Variants in MAP3K13 observed in about 807,000 individuals in gnomAD.
MAP3K13 encodes the protein leucine zipper-bearing kinase.
Under a neutral mutation model 104.0 loss-of-function variants are expected in MAP3K13, and 52 were observed. That is an observed-to-expected ratio of 0.50 (90% CI 0.40 to 0.63). MAP3K13 has a LOEUF of 0.63. Ranked by LOEUF, MAP3K13 falls within the 20% of genes least tolerant of loss-of-function variation. The probability of loss-of-function intolerance (pLI) is 0.00; values close to 1 mark genes in which losing one functional copy is unlikely to be tolerated. For missense variants in MAP3K13, 914 were observed against 1,218.5 expected (o/e 0.75, Z 3.72); for synonymous variants, 394 against 442.2 (o/e 0.89, Z 1.37).
intron 1 of MAP3K13, among the ~76,000 whole-genome samples, chr3:185,375,116 A>G (rs1724359742): frequency 6.6e-6 from 1 of 152,148 alleles, no homozygotes; most frequent in Admixed American, 6.5e-5. Flanking sequence ...CTGGTCCATT[A>G]TTGGACTGTA....
chr3:185,425,115 T>G (rs762784951), intron 1 of MAP3K13, among the ~76,000 whole-genome samples: 44 of 152,252 alleles, frequency 2.9e-4, no homozygotes, highest in Non-Finnish European at 6.0e-4. Context: ...GCTTTATGAT[T>G]TGGAAACTTC....
At chr3:185,442,013 C>G (rs1715350935) in intron 3 of MAP3K13, among the ~76,000 whole-genome samples, 1 of 147,530 alleles carries the variant, frequency 6.8e-6, no homozygotes, top group Non-Finnish European at 1.5e-5. Flanking sequence ...TGCACTCGAA[C>G]CTGGGTGACA....
At chr3:185,393,520 G>A (rs1012002823) in intron 1 of MAP3K13, among the ~76,000 whole-genome samples, 9 of 150,638 alleles carry the variant, frequency 6.0e-5, no homozygotes, top group Non-Finnish European at 1.2e-4. Context: ...GTGCAGTGGC[G>A]TGATCTCAGC....
intron 1 of MAP3K13, among the ~76,000 whole-genome samples, chr3:185,368,306 C>T (rs1723987650): frequency 6.6e-6 from 1 of 152,184 alleles, no homozygotes; most frequent in Admixed American, 6.5e-5. Context: ...TTTTCAAACC[C>T]AGCTTTAATT....
At chr3:185,313,735 GA>G (rs5855056) in intron 2 of MAP3K13, among the ~76,000 whole-genome samples, 4 of 146,776 alleles carry the variant, frequency 2.7e-5, no homozygotes, top group East Asian at 2.0e-4. Context: ...AAGTAGTGGT[GA>G]AAAAAAAAAA....
At chr3:185,361,139 C>A (rs1217696479), upstream of MAP3K13, among the ~76,000 whole-genome samples, 1 of 147,382 alleles carries the variant, frequency 6.8e-6, no homozygotes, top group African/African-American at 2.5e-5. Flanking sequence ...CACATATATA[C>A]ATATACATAT....
intron 3 of MAP3K13, among the ~76,000 whole-genome samples, chr3:185,441,595 C>A (rs1336427600): frequency 6.6e-6 from 1 of 152,086 alleles, no homozygotes; most frequent in African/African-American, 2.4e-5. Context: ...CAAATAAAGG[C>A]TAATAGATAT....
chr3:185,299,399 C>CA (rs1286905945), intron 2 of MAP3K13, among the ~76,000 whole-genome samples: 1 of 152,238 alleles, frequency 6.6e-6, no homozygotes, highest in Admixed American at 6.5e-5. Context: ...AGCCTGCACT[C>CA]ACTTGCAAGC....
At chr3:185,412,847 A>G (rs532161925) in intron 1 of MAP3K13, among the ~76,000 whole-genome samples, 1 of 152,188 alleles carries the variant, frequency 6.6e-6, no homozygotes, top group Non-Finnish European at 1.5e-5. Context: ...GAGAAGTGAC[A>G]CATACTTCTG....
intron 1 of MAP3K13, among the ~76,000 whole-genome samples, chr3:185,399,811 G>A (rs12491117): frequency 0.96 from 146,533 of 152,072 alleles, 70,632 homozygotes; most frequent in East Asian, 1. Context: ...TATAGGAAAG[G>A]ATAAACCCTG....
chr3:185,389,536 G>T (rs950639596), intron 1 of MAP3K13, among the ~76,000 whole-genome samples: 1 of 151,524 alleles, frequency 6.6e-6, no homozygotes, highest in Non-Finnish European at 1.5e-5. Context: ...ACTGCCAGTT[G>T]ATACCTGGGG....
intron 7 of MAP3K13, among the ~76,000 whole-genome samples, chr3:185,462,495 G>T (rs973572121): frequency 6.6e-6 from 1 of 152,146 alleles, no homozygotes; most frequent in Admixed American, 6.5e-5. Flanking sequence ...AAACAGGGCC[G>T]GGTGCGGTGG....
At chr3:185,404,173 T>G (rs1459337797) in intron 1 of MAP3K13, among the ~76,000 whole-genome samples, 1 of 152,220 alleles carries the variant, frequency 6.6e-6, no homozygotes, top group African/African-American at 2.4e-5. Context: ...GAGTGTAAGA[T>G]TAAATACTGG....
intron 2 of MAP3K13, among the ~76,000 whole-genome samples, chr3:185,316,059 G>A (rs1721659274): frequency 6.6e-6 from 1 of 152,022 alleles, no homozygotes; most frequent in South Asian, 2.1e-4. Flanking sequence ...TTTACTGTTT[G>A]ATAGATAACT....
chr3:185,443,172 C>T (rs748597335), intron 3 of MAP3K13, among the ~76,000 whole-genome samples: 5 of 152,130 alleles, frequency 3.3e-5, no homozygotes, highest in Middle Eastern at 3.4e-3. Flanking sequence ...CTCTTTGTCC[C>T]GGAATGGAAG....
chr3:185,326,462 A>C (rs890688857), intron 2 of MAP3K13, among the ~76,000 whole-genome samples: 2 of 152,102 alleles, frequency 1.3e-5, no homozygotes, highest in African/African-American at 4.8e-5. Context: ...CCCACAAGAA[A>C]GCCCGTCCTT....
rs528525811 is a variant in MAP3K13 at position 185,289,597 on chromosome 3, C to T, written c.-86+3954C>T. Reference sequence around the variant, plus strand: ...AGGCTTAATTAGCTGGCATCTAACTCCATGAGATATTAGAAGTAACAAACC... The same window carrying T: ...AGGCTTAATTAGCTGGCATCTAACTTCATGAGATATTAGAAGTAACAAACC... On this transcript the variant is annotated intron_variant, in intron 2 of 14. Coordinates refer to the MAP3K13 transcript ENST00000424227. 3.3e-5 allele frequency among the ~76,000 whole-genome samples: 5 copies of T among 152,174 alleles called. No individual in the cohort carries two copies. In the South Asian group the frequency reaches 1.0e-3, roughly 32 times the overall value.
intron 2 of MAP3K13, among the ~76,000 whole-genome samples, chr3:185,314,860 C>G (rs911521095): frequency 2.0e-5 from 3 of 152,152 alleles, no homozygotes; most frequent in Non-Finnish European, 4.4e-5. Flanking sequence ...AGGCTGGTCT[C>G]AAACTCCTGG....
At chr3:185,397,608 T>A (rs7651004) in intron 1 of MAP3K13, among the ~76,000 whole-genome samples, 2 of 152,168 alleles carry the variant, frequency 1.3e-5, no homozygotes, top group African/African-American at 4.8e-5. Flanking sequence ...TATTAATTGT[T>A]TACAAAGATC....
Sources: allele counts gnomAD v4.1 joint callset (sites outside exome capture counted in the v4.1 genomes callset), GRCh38; gene constraint gnomAD v4.1.1; transcripts MANE v1.5; gene names NCBI Gene and HGNC (gene_info 2026-07-23, HGNC 2026-07-21).